The following RTTN variants were observed in gnomAD, a reference collection of about 807,000 sequenced individuals.
The protein encoded by RTTN is rotatin.
Under a neutral mutation model 269.2 loss-of-function variants are expected in RTTN, and 182 were observed. The observed-to-expected ratio is 0.68, with a 90% CI of 0.60 to 0.76. The LOEUF (loss-of-function observed/expected upper bound fraction) is 0.76, where lower values mean the gene tolerates loss of function less well. Ranked by LOEUF, RTTN falls within the 30% of genes least tolerant of loss-of-function variation. The probability of loss-of-function intolerance (pLI) is 0.00; values close to 1 mark genes in which losing one functional copy is unlikely to be tolerated. For synonymous variants in RTTN, 1,006 were observed against 963.5 expected (o/e 1.04, Z -0.82); for missense variants, 2,545 against 2,608.6 (o/e 0.98, Z 0.53).
chr18:70,136,082 T>C (rs1395011208), intron 21 of RTTN, among the ~76,000 whole-genome samples: 1 of 151,992 alleles, frequency 6.6e-6, no homozygotes, highest in Non-Finnish European at 1.5e-5. Flanking sequence ...GAAAAGAAAA[T>C]CATCCTTATG....
intron 40 of RTTN, among the ~76,000 whole-genome samples, chr18:70,034,671 C>T (rs1354852158): frequency 6.6e-6 from 1 of 152,148 alleles, no homozygotes; most frequent in African/African-American, 2.4e-5. Flanking sequence ...TCCTATTCAA[C>T]ACGGTACTGG....
At chr18:70,071,272 A>G (rs553974976) in intron 34 of RTTN, among the ~76,000 whole-genome samples, 1 of 152,354 alleles carries the variant, frequency 6.6e-6, no homozygotes, top group South Asian at 2.1e-4. Context: ...TAGAAAAACT[A>G]AAATCAGTTT....
chr18:70,156,040 T>C (rs2060666619), intron 14 of RTTN, among the ~76,000 whole-genome samples: 1 of 152,158 alleles, frequency 6.6e-6, no homozygotes, highest in Admixed American at 6.5e-5. Flanking sequence ...GTAGAGCATG[T>C]GTGTTTGAAC....
At chr18:70,146,715 G>A (rs970013669) in intron 17 of RTTN, among the ~76,000 whole-genome samples, 2 of 152,078 alleles carry the variant, frequency 1.3e-5, no homozygotes, top group East Asian at 1.9e-4. Context: ...CTATATTCCC[G>A]GTTACACACT....
chr18:70,101,459 T>C (rs1297929683), intron 28 of RTTN, among the ~76,000 whole-genome samples: 3 of 152,234 alleles, frequency 2.0e-5, no homozygotes, highest in Non-Finnish European at 4.4e-5. Context: ...TATTTGATTC[T>C]TCTCTCTTTT....
chr18:70,072,558 A>G (rs2058324064), intron 34 of RTTN, among the ~76,000 whole-genome samples: 1 of 152,084 alleles, frequency 6.6e-6, no homozygotes, highest in Admixed American at 6.6e-5. Context: ...TGCTTTTTGT[A>G]TTTAGGTTTT....
intron 37 of RTTN, among the ~76,000 whole-genome samples, chr18:70,056,162 A>G (rs771790167): frequency 6.6e-5 from 10 of 152,248 alleles, no homozygotes; most frequent in South Asian, 2.1e-4. Context: ...GTTCAAGGAT[A>G]TATCACTAGC....
intron 32 of RTTN, among the ~76,000 whole-genome samples, chr18:70,078,570 T>C (rs1299794640): frequency 6.6e-6 from 1 of 151,916 alleles, no homozygotes; most frequent in East Asian, 1.9e-4. Flanking sequence ...TATTTTTATA[T>C]ATACATATAT....
rs374348992 is a variant in RTTN, at chr18:70,005,446, G to A, written c.6526-179C>T. 4.4e-5 allele frequency: 19 copies of A among 432,264 alleles called. No homozygotes were observed. The South Asian group carries it at 4.6e-4, about 10-fold the overall frequency. 26.8% of individuals were successfully genotyped at this position (432,264 alleles called of 1,614,324 possible). A position where few individuals can be genotyped will look rare whatever the true frequency, so the allele number is the denominator to read the frequency against. ...TTGAGCCAATCCCCTTGCACATTCT[G>A]AAGTCTTGCCCATATCCTCTTATCT... is the stretch of plus-strand genomic sequence containing the variant. On this transcript the variant is annotated intron_variant, in intron 47 of 48. Transcript: ENST00000640769.
intron 37 of RTTN, 22 bp downstream of exon 37, chr18:70,057,720 C>G (rs769126239): frequency 6.2e-7 from 1 of 1,601,210 alleles, no homozygotes; most frequent in South Asian, 1.1e-5. Context: ...AACAAACCCA[C>G]AAACAGACTT....
At chr18:70,149,739 T>G (rs2145788691) in intron 16 of RTTN, among the ~76,000 whole-genome samples, 1 of 152,200 alleles carries the variant, frequency 6.6e-6, no homozygotes, top group South Asian at 2.1e-4. Context: ...CACCTCACTT[T>G]TTAACCTCCC....
intron 40 of RTTN, among the ~76,000 whole-genome samples, chr18:70,038,485 C>T (rs2057243243): frequency 6.6e-6 from 1 of 152,164 alleles, no homozygotes; most frequent in Non-Finnish European, 1.5e-5. Flanking sequence ...CTGGAGAATT[C>T]TTCCAGATCT....
At chr18:70,100,853 G>C (rs1457368733) in intron 28 of RTTN, among the ~76,000 whole-genome samples, 1 of 152,146 alleles carries the variant, frequency 6.6e-6, no homozygotes, top group Non-Finnish European at 1.5e-5. Flanking sequence ...TTTTGTCTTT[G>C]GTTCTGTTTA....
At chr18:70,203,939 A>G in intron 3 of RTTN, 147 bp downstream of exon 3, 1 of 660,204 alleles carries the variant, frequency 1.5e-6, no homozygotes, top group East Asian at 2.9e-5. Flanking sequence ...GAGGAGGGGA[A>G]AAAGGTCAAA....
intron 26 of RTTN, among the ~76,000 whole-genome samples, chr18:70,115,484 A>G (rs887052621): frequency 1.3e-5 from 2 of 151,426 alleles, no homozygotes; most frequent in South Asian, 4.2e-4. Flanking sequence ...TATATGGGAT[A>G]TTTATTAATC....
chr18:70,175,045 C>CAAAAAAAAAAAAAAA (rs5825998), intron 11 of RTTN, among the ~76,000 whole-genome samples: 7 of 86,822 alleles, frequency 8.1e-5, no homozygotes, highest in Admixed American at 1.5e-4. Context: ...AAACCAAAAC[C>CAAAAAAAAAAAAAAA]AAAAAAAAAA....
chr18:70,055,109 C>T (rs2057779866), intron 37 of RTTN, among the ~76,000 whole-genome samples: 1 of 152,108 alleles, frequency 6.6e-6, no homozygotes, highest in Admixed American at 6.6e-5. Context: ...AAAACCATCT[C>T]TGGAATTTGC....
At chr18:70,148,786 GA>G in intron 17 of RTTN, 114 bp downstream of exon 17, 1 of 1,265,382 alleles carries the variant, frequency 7.9e-7, no homozygotes, top group Non-Finnish European at 1.1e-6. Flanking sequence ...TCTAGTAATG[GA>G]ATAACACCCT....
chr18:70,145,579 C>A, intron 18 of RTTN, 33 bp downstream of exon 18: 1 of 1,487,220 alleles, frequency 6.7e-7, no homozygotes. Flanking sequence ...TATCAAATTA[C>A]CACACAGTAA....
Sources: gnomAD v4.1 joint callset for allele counts (sites outside exome capture counted in the v4.1 genomes callset) on GRCh38, gnomAD v4.1.1 for gene constraint, MANE v1.5 for transcripts, NCBI Gene and HGNC (gene_info 2026-07-23, HGNC 2026-07-21) for gene names.